MAGI2: variants seen among roughly 807,000 people sequenced by gnomAD.
MAGI2 encodes membrane-associated guanylate kinase, WW and PDZ domain-containing protein 2.
MAGI2 carries 35 observed loss-of-function variants against 133.3 expected under a neutral mutation model. That is an observed-to-expected ratio of 0.26 (90% CI 0.20 to 0.35). MAGI2 has a LOEUF of 0.35. Among genes scored for constraint, MAGI2 ranks in the 10% least tolerant of loss-of-function variants. The pLI, the probability that MAGI2 is intolerant of heterozygous loss-of-function variation, is 1.00. For missense variants in MAGI2, 1,636 were observed against 1,863.4 expected (o/e 0.88, Z 2.25); for synonymous variants, 729 against 710.6 (o/e 1.03, Z -0.41).
At chr7:78,851,363 G>A (rs2151480827) in intron 2 of MAGI2, among the ~76,000 whole-genome samples, 1 of 152,170 alleles carries the variant, frequency 6.6e-6, no homozygotes, top group East Asian at 1.9e-4. Context: ...GGAGTGCTGT[G>A]AGGGGCACAA....
intron 21 of MAGI2, 27 bp from the exon 22 acceptor site, chr7:78,020,003 C>G: frequency 6.4e-7 from 1 of 1,570,712 alleles, no homozygotes; most frequent in South Asian, 1.2e-5. Context: ...CAGGCGTTAG[C>G]AGTGGCGCAC....
At chr7:79,145,752 CA>C (rs1321742891) in intron 1 of MAGI2, among the ~76,000 whole-genome samples, 1 of 152,138 alleles carries the variant, frequency 6.6e-6, no homozygotes, top group Non-Finnish European at 1.5e-5. Context: ...TTTAGGTAAT[CA>C]GAAGTACATT....
intron 2 of MAGI2, among the ~76,000 whole-genome samples, chr7:78,845,832 T>G (rs1792553643): frequency 1.3e-5 from 2 of 151,860 alleles, no homozygotes; most frequent in African/African-American, 4.8e-5. Flanking sequence ...GCTATAGCAT[T>G]TAAGCTGACA....
chr7:79,324,664 TA>T lies in MAGI2; in HGVS notation c.301+128355del, dbSNP rs1839525732. 1.5e-3 allele frequency among the ~76,000 whole-genome samples: 24 copies of T among 16,196 alleles called. 3 individuals are homozygous for T. Among genetic ancestry groups the T allele is most frequent in the African/African-American group, 4.3e-3 (24 of 5,576 alleles). 10.6% of individuals were successfully genotyped at this position (16,196 alleles called of 152,430 possible). On this transcript the variant is annotated intron_variant, in intron 1 of 21. Transcript: ENST00000354212. Reference sequence around the variant, plus strand: ...ATAAAATATATATATATTATATATATATAAAATATATATATATTATATATAT... The same window carrying T: ...ATAAAATATATATATATTATATATATTAAAATATATATATATTATATATAT...
chr7:78,851,754 T>A (rs1027523048), intron 2 of MAGI2, among the ~76,000 whole-genome samples: 3 of 152,130 alleles, frequency 2.0e-5, no homozygotes, highest in Admixed American at 1.3e-4. Context: ...GTAGTTAGAG[T>A]TCATTCATTT....
chr7:78,641,574 A>G (rs1810314165), intron 2 of MAGI2, among the ~76,000 whole-genome samples: 1 of 152,148 alleles, frequency 6.6e-6, no homozygotes, highest in African/African-American at 2.4e-5. Context: ...CTAGATTTGT[A>G]CTTGTAAATC....
intron 1 of MAGI2, among the ~76,000 whole-genome samples, chr7:79,171,773 T>A (rs866074251): frequency 0.013 from 984 of 77,662 alleles, 12 homozygotes; most frequent in East Asian, 0.059. Context: ...TATATATATT[T>A]TTTTTTTTTT....
At chr7:78,321,903 A>G (rs566398223) in intron 9 of MAGI2, among the ~76,000 whole-genome samples, 5 of 152,314 alleles carry the variant, frequency 3.3e-5, no homozygotes, top group Non-Finnish European at 7.3e-5. Context: ...GAATCTACGA[A>G]GAACTAAAAC....
At chr7:79,200,126 T>C (rs1285114235) in intron 1 of MAGI2, among the ~76,000 whole-genome samples, 1 of 151,948 alleles carries the variant, frequency 6.6e-6, no homozygotes, top group Non-Finnish European at 1.5e-5. Flanking sequence ...GGAAAATTCC[T>C]GGTCTAGATT....
At chr7:79,252,750 A>G (rs901629044) in intron 1 of MAGI2, among the ~76,000 whole-genome samples, 3 of 152,164 alleles carry the variant, frequency 2.0e-5, no homozygotes, top group Non-Finnish European at 4.4e-5. Flanking sequence ...GTACCCACAA[A>G]TATTAAAAAT....
At chr7:79,194,279 T>C (rs1827902735) in intron 1 of MAGI2, among the ~76,000 whole-genome samples, 1 of 152,010 alleles carries the variant, frequency 6.6e-6, no homozygotes, top group Non-Finnish European at 1.5e-5. Context: ...CAACACACCT[T>C]TTTGTTGTTG....
intron 1 of MAGI2, among the ~76,000 whole-genome samples, chr7:79,295,027 C>T (rs1836821012): frequency 6.6e-6 from 1 of 151,882 alleles, no homozygotes; most frequent in African/African-American, 2.4e-5. Flanking sequence ...CTTGAGCCAC[C>T]GCAACTGGCC....
chr7:79,206,197 A>C (rs1444508401), intron 1 of MAGI2, among the ~76,000 whole-genome samples: 4 of 149,636 alleles, frequency 2.7e-5, no homozygotes, highest in Admixed American at 2.6e-4. Context: ...CACCAAGCCA[A>C]AGTTAGTAAA....
chr7:78,805,874 C>A (rs1238080441), intron 2 of MAGI2, among the ~76,000 whole-genome samples: 1 of 152,140 alleles, frequency 6.6e-6, no homozygotes, highest in Non-Finnish European at 1.5e-5. Context: ...CTTGCAACAC[C>A]AGTCCAGCCC....
At chr7:78,432,196 G>A (rs1484549166) in intron 6 of MAGI2, among the ~76,000 whole-genome samples, 1 of 149,876 alleles carries the variant, frequency 6.7e-6, no homozygotes, top group African/African-American at 2.4e-5. Flanking sequence ...ACATAATCCA[G>A]TGCAGGCCTT....
chr7:79,289,134 G>A (rs1836261933), intron 1 of MAGI2, among the ~76,000 whole-genome samples: 1 of 152,202 alleles, frequency 6.6e-6, no homozygotes, highest in African/African-American at 2.4e-5. Context: ...GCTGGGCTAA[G>A]AGTGGAACAT....
intron 6 of MAGI2, among the ~76,000 whole-genome samples, chr7:78,382,165 T>C (rs932332276): frequency 1.4e-5 from 2 of 142,380 alleles, no homozygotes; most frequent in African/African-American, 5.3e-5. Context: ...GCAGATCATA[T>C]TGTTAAACAA....
chr7:79,390,830 A>G (rs2129150401), intron 1 of MAGI2, among the ~76,000 whole-genome samples: 1 of 152,308 alleles, frequency 6.6e-6, no homozygotes, highest in Middle Eastern at 3.4e-3. Context: ...ATTTCAGGAG[A>G]GATAAGTACT....
intron 2 of MAGI2, among the ~76,000 whole-genome samples, chr7:78,646,036 G>T (rs758708960): frequency 1.3e-5 from 2 of 152,166 alleles, no homozygotes; most frequent in Admixed American, 6.5e-5. Flanking sequence ...ACTGCACCTG[G>T]CCCAGCAAAA....
Sources: gnomAD v4.1 joint callset for allele counts (sites outside exome capture counted in the v4.1 genomes callset) on GRCh38, gnomAD v4.1.1 for gene constraint, MANE v1.5 for transcripts, NCBI Gene and HGNC (gene_info 2026-07-23, HGNC 2026-07-21) for gene names.